Variants in CYFIP1 observed in about 807,000 individuals in gnomAD.
CYFIP1 encodes cytoplasmic FMR1 interacting protein 1, also known as cytoplasmic FMR1-interacting protein 1.
CYFIP1 carries 58 observed loss-of-function variants against 163.5 expected under a neutral mutation model. The ratio of observed to expected loss-of-function variants is 0.35; its 90% confidence interval spans 0.29 to 0.44. The LOEUF (loss-of-function observed/expected upper bound fraction) is 0.44, where lower values mean the gene tolerates loss of function less well. Among genes scored for constraint, CYFIP1 ranks in the 20% least tolerant of loss-of-function variants. CYFIP1 has a pLI of 1.00. For missense variants in CYFIP1, 1,338 were observed against 1,653.8 expected (o/e 0.81, Z 3.31); for synonymous variants, 663 against 660.7 (o/e 1.00, Z -0.05).
rs778844743 is a variant in CYFIP1, at chr15:22,875,216, G to A, written c.3098C>T (p.Pro1033Leu). Residue 1033 changes from proline (P) to leucine (L), a missense_variant, in exon 27 of 31, where the codon CCG becomes CTG. Physicochemically the swap from Pro to Leu is moderately conservative, Grantham distance 98. Transcript: ENST00000617928. Reference sequence around the variant, plus strand: ...AGGCTCACCTTTCACATGGACTCGCGGCAAGATGTTCTGGAAAGGAGCCGC... The same window carrying A: ...AGGCTCACCTTTCACATGGACTCGCAGCAAGATGTTCTGGAAAGGAGCCGC... ...LHAAPFQNIL[P>L]RVHVKEGERL... The A allele has an allele frequency of 6.2e-6, 10 of 1,613,974 alleles. No homozygotes were observed. Among genetic ancestry groups the A allele is most frequent in the East Asian group, 2.2e-5 (1 of 44,864 alleles).
At chr15:22,945,901 C>T (rs11634023) in intron 3 of CYFIP1, among the ~76,000 whole-genome samples, 73,418 of 151,982 alleles carry the variant, frequency 0.48, 17,941 homozygotes, top group Middle Eastern at 0.58. Context: ...TTTTTTATTA[C>T]ACGACATAAA....
intron 22 of CYFIP1, among the ~76,000 whole-genome samples, chr15:22,893,669 G>GT (rs1450804307): frequency 6.6e-6 from 1 of 152,154 alleles, no homozygotes; most frequent in Non-Finnish European, 1.5e-5. Context: ...CACACAATGT[G>GT]TGCATCTGAG....
chr15:22,944,720 G>A, intron 4 of CYFIP1, 61 bp from the exon 5 acceptor site: 1 of 1,536,460 alleles, frequency 6.5e-7, no homozygotes, highest in East Asian at 2.2e-5. Flanking sequence ...GCAGCCGCTG[G>A]GCTTCTAGAG....
chr15:22,931,976 C>G (rs7165261), intron 11 of CYFIP1, among the ~76,000 whole-genome samples: 125,005 of 152,172 alleles, frequency 0.82, 51,540 homozygotes, highest in African/African-American at 0.89. Flanking sequence ...AGGAGCCATC[C>G]GCTGTACCCT....
In CYFIP1 at chr15:22,963,135, G is replaced by A. The variant is rs148948021; in HGVS notation, c.-6-15844C>T. ...CTAGAGGTAAAGGGCCTCAAGTGGA[G>A]AGAGAAGTGTTTGAATTGTGTTCTT... On this transcript the variant is annotated intron_variant, in intron 1 of 30. Transcript: ENST00000617928. Among the ~76,000 whole-genome samples the A allele has an allele frequency of 3.6e-3, 555 of 152,318 alleles. 5 individuals carry two copies. The highest frequency in any genetic ancestry group is 0.013 in the African/African-American group (533 of 41,548).
intron 23 of CYFIP1, among the ~76,000 whole-genome samples, chr15:22,889,673 G>T (rs898078721): frequency 1.3e-5 from 2 of 152,150 alleles, no homozygotes; most frequent in African/African-American, 2.4e-5. Context: ...ATCCTCTCCA[G>T]ATGGGGGTGA....
Position 22,912,159 on chromosome 15 carries a change from T to C in CYFIP1, c.2082+20A>G. On this transcript the variant is annotated intron_variant, in intron 18 of 30. Transcript: ENST00000617928. ...TTTAATTGAAGGAAATGAACAGAAATGGAGCTGCAGGGGCCTCACCTCGGC... is the reference window on the plus strand; with the variant it reads ...TTTAATTGAAGGAAATGAACAGAAACGGAGCTGCAGGGGCCTCACCTCGGC... 1.3e-6 allele frequency: 2 copies of C among 1,587,336 alleles called. No individual in the cohort carries two copies. The highest frequency in any genetic ancestry group is 1.7e-6 in the Non-Finnish European group (2 of 1,161,116).
At chr15:22,937,604 G>GTT (rs539605936) in intron 8 of CYFIP1, among the ~76,000 whole-genome samples, 7 of 140,512 alleles carry the variant, frequency 5.0e-5, no homozygotes, top group Non-Finnish European at 6.2e-5. Context: ...TTCTTTTTTT[G>GTT]TTTTTTTTTT....
At chr15:22,930,612 T>G (rs1314111835) in intron 11 of CYFIP1, among the ~76,000 whole-genome samples, 2 of 151,996 alleles carry the variant, frequency 1.3e-5, no homozygotes, top group East Asian at 3.9e-4. Context: ...GGCTAATGTG[T>G]GTGTTTGGGT....
intron 23 of CYFIP1, among the ~76,000 whole-genome samples, chr15:22,889,075 AAGAAAAACCATGTACT>A (rs1319909678): frequency 6.6e-6 from 1 of 152,064 alleles, no homozygotes; most frequent in African/African-American, 2.4e-5. Flanking sequence ...AAAAAACAAA[AAGAAAAACCATGTACT>A]AGCTTAGGTT....
intron 17 of CYFIP1, among the ~76,000 whole-genome samples, chr15:22,913,365 TA>T (rs1194847123): frequency 1.4e-5 from 2 of 144,734 alleles, no homozygotes; most frequent in Non-Finnish European, 3.0e-5. Context: ...TCATCTCTAC[TA>T]AAAATACAAA....
At chr15:22,901,815 C>T (rs139988071) in intron 22 of CYFIP1, among the ~76,000 whole-genome samples, 4 of 152,298 alleles carry the variant, frequency 2.6e-5, no homozygotes, top group African/African-American at 7.2e-5. Flanking sequence ...AACTTGGATA[C>T]GCAAAATCCT....
chr15:22,880,226 G>A (rs971064437), intron 25 of CYFIP1, among the ~76,000 whole-genome samples, 183 bp from the exon 26 acceptor site: 10 of 152,172 alleles, frequency 6.6e-5, no homozygotes, highest in Non-Finnish European at 2.9e-5. Context: ...ACCTGGGCAC[G>A]TTCTCCACAC....
intron 1 of CYFIP1, among the ~76,000 whole-genome samples, chr15:22,970,190 T>C (rs1280345795): frequency 6.6e-6 from 1 of 152,160 alleles, no homozygotes; most frequent in Non-Finnish European, 1.5e-5. Flanking sequence ...TTATTCAAGA[T>C]ATTAGTCTCA....
chr15:22,966,973 C>T (rs747256393), intron 1 of CYFIP1, among the ~76,000 whole-genome samples: 22 of 151,518 alleles, frequency 1.5e-4, no homozygotes, highest in Non-Finnish European at 2.5e-4. Context: ...GCCGAGGGGA[C>T]GCCGCAGTTC....
rs538927709 is a variant in CYFIP1, at chr15:22,918,658, G to A, written c.1526+34C>T. The A allele has an allele frequency of 4.1e-5, 63 of 1,519,590 alleles. No homozygotes were observed. In the South Asian group the frequency reaches 7.5e-4, roughly 18 times the overall value. The allele number at this position is 1,519,590 out of a possible 1,614,324, so 94.1% of individuals were successfully genotyped here. ...ATCCAAGTTCATCCGAGGACGTGTG[G>A]GCACAGCGGGCACAGGGCGTGGGGA... On this transcript the variant is annotated intron_variant, in intron 14 of 30. Transcript: ENST00000617928.
At chr15:22,904,055 G>A in intron 21 of CYFIP1, 150 bp from the exon 22 acceptor site, 1 of 702,104 alleles carries the variant, frequency 1.4e-6, no homozygotes, top group South Asian at 1.8e-5. Flanking sequence ...CAGGTGACAT[G>A]AGCTTGCTTC....
chr15:22,913,605 T>TTAA (rs1262181085), intron 17 of CYFIP1, among the ~76,000 whole-genome samples: 1 of 66,994 alleles, frequency 1.5e-5, no homozygotes, highest in African/African-American at 6.1e-5. Flanking sequence ...TAGACAGCAT[T>TTAA]AAAAAAAAAA....
chr15:22,882,958 T>C lies in CYFIP1; in HGVS notation c.2730A>G (p.Gly910=). The change falls in exon 24 of 31, where the codon GGA becomes GGG. Residue 910 remains glycine (G), a synonymous_variant. Coordinates refer to ENST00000617928, the MANE Select transcript of CYFIP1 (RefSeq NM_014608.6). ...SIYGSYRNFV[G]PPHFQVICRL... ...GGCAGATGACTTGAAAGTGTGGAGGTCCCACGAAGTTCCGGTAGCTGCCGT... is the reference window on the plus strand; with the variant it reads ...GGCAGATGACTTGAAAGTGTGGAGGCCCCACGAAGTTCCGGTAGCTGCCGT... 6.2e-7 allele frequency: 1 copy of C among 1,613,642 alleles called. No individual in the cohort carries two copies.
Sources: gnomAD v4.1 joint callset for allele counts (sites outside exome capture counted in the v4.1 genomes callset) on GRCh38, gnomAD v4.1.1 for gene constraint, MANE v1.5 for transcripts, NCBI Gene and HGNC (gene_info 2026-07-23, HGNC 2026-07-21) for gene names.